Variants in SFMBT1 observed in about 807,000 individuals in gnomAD.
The protein encoded by SFMBT1 is scm-like with four MBT domains protein 1.
In SFMBT1, 32 loss-of-function variants were observed where a neutral mutation model predicts 108.7. The observed-to-expected ratio is 0.29, with a 90% CI of 0.22 to 0.40. The LOEUF is 0.40. SFMBT1 is among the 10% of genes least tolerant of loss of function. The pLI is 1.00. For synonymous variants in SFMBT1, 348 were observed against 369.5 expected (o/e 0.94, Z 0.67); for missense variants, 816 against 1,059.6 (o/e 0.77, Z 3.19).
At chr3:52,966,988 C>T (rs1395482535) in intron 2 of SFMBT1, among the ~76,000 whole-genome samples, 2 of 149,302 alleles carry the variant, frequency 1.3e-5, no homozygotes, top group Non-Finnish European at 3.0e-5. Flanking sequence ...CTAAAGTAAC[C>T]ACCAATAAGT....
Position 52,922,567 on chromosome 3 carries a change from G to A in SFMBT1, c.1132-736C>T, listed in dbSNP as rs376084272. Among the ~76,000 whole-genome samples the A allele has an allele frequency of 5.3e-5, 8 of 152,286 alleles. No individual in the cohort carries two copies. In the East Asian group the frequency reaches 1.2e-3, roughly 22 times the overall value. ...ACAGGGTCTGGAAACTAAGTTAAAG[G>A]TGACTCTAAGCTGGCAGTAAAGAAA... On this transcript the variant is annotated intron_variant, in intron 10 of 20. Transcript: ENST00000394752.
intron 16 of SFMBT1, among the ~76,000 whole-genome samples, chr3:52,911,799 AAG>A (rs1297185071): frequency 6.6e-6 from 1 of 151,846 alleles, no homozygotes; most frequent in Non-Finnish European, 1.5e-5. Context: ...CTCCCAGGTC[AAG>A]AGATTCTCCT....
At chr3:52,940,084 C>A (rs1241415594) in intron 4 of SFMBT1, among the ~76,000 whole-genome samples, 4 of 152,140 alleles carry the variant, frequency 2.6e-5, no homozygotes, top group Admixed American at 6.5e-5. Flanking sequence ...TGAGATTCAA[C>A]TGAAATCCTT....
intron 1 of SFMBT1, among the ~76,000 whole-genome samples, chr3:52,976,268 T>C (rs967460269): frequency 6.6e-6 from 1 of 152,024 alleles, no homozygotes; most frequent in Non-Finnish European, 1.5e-5. Context: ...ATCAAAATAG[T>C]GTAATATTAG....
At chr3:52,957,568 C>T (rs75794552) in intron 2 of SFMBT1, among the ~76,000 whole-genome samples, 13,752 of 152,208 alleles carry the variant, frequency 0.09, 637 homozygotes, top group African/African-American at 0.099. Context: ...TCAAACTATA[C>T]TACAAGCCTC....
chr3:52,981,769 G>A (rs756779372), intron 1 of SFMBT1, among the ~76,000 whole-genome samples: 6 of 151,964 alleles, frequency 3.9e-5, no homozygotes, highest in Admixed American at 6.6e-5. Context: ...GAAAGTACCC[G>A]GATTTAAGGG....
intron 1 of SFMBT1, among the ~76,000 whole-genome samples, chr3:53,042,440 A>C (rs967753919): frequency 6.6e-6 from 1 of 152,196 alleles, no homozygotes; most frequent in African/African-American, 2.4e-5. Flanking sequence ...CCTGGGCTCA[A>C]AGGATCCTCC....
chr3:53,011,456 G>T (rs1698940526), intron 1 of SFMBT1, among the ~76,000 whole-genome samples: 1 of 152,220 alleles, frequency 6.6e-6, no homozygotes, highest in South Asian at 2.1e-4. Context: ...AAACAGGAAA[G>T]ACTTGAGGAG....
chr3:52,985,042 C>T (rs570268654), intron 1 of SFMBT1, among the ~76,000 whole-genome samples: 80 of 152,184 alleles, frequency 5.3e-4, no homozygotes, highest in Non-Finnish European at 9.0e-4. Flanking sequence ...TAGGCTGGAA[C>T]GGTAGCTCTT....
chr3:53,010,366 CAA>C (rs1185858121), intron 1 of SFMBT1, among the ~76,000 whole-genome samples: 10 of 152,182 alleles, frequency 6.6e-5, no homozygotes, highest in Non-Finnish European at 1.5e-4. Flanking sequence ...ACAAAGGCAT[CAA>C]GAGAGAGCAG....
chr3:52,998,543 T>C (rs774152667), intron 1 of SFMBT1, among the ~76,000 whole-genome samples: 6 of 150,290 alleles, frequency 4.0e-5, no homozygotes, highest in Non-Finnish European at 9.0e-5. Flanking sequence ...GGCCCAGCCA[T>C]AGCTCTCGCC....
chr3:52,920,650 C>G lies in SFMBT1; in HGVS notation c.1259G>C (p.Gly420Ala). Reference sequence around the variant, plus strand: ...ACATTCAGGTATAGGCTTCTTAGAACCTGTTTAGATTTAAACAAACAAACA... The same window carrying G: ...ACATTCAGGTATAGGCTTCTTAGAAGCTGTTTAGATTTAAACAAACAAACA... ...RGSYLWLQLE[G>A]SKKPIPECIV... The change falls in exon 12 of 21, where the codon GGT (glycine) becomes GCT (alanine). Residue 420 changes from glycine (G) to alanine (A), a missense_variant and splice_region_variant. By Grantham distance (60) the Gly-to-Ala change is moderately conservative (BLOSUM62 0). Around this residue, in one of 5 missense-constraint regions of SFMBT1, gnomAD observed 495 missense variants for 607.4 expected, o/e 0.81. Transcript: ENST00000394752. 5 of 1,578,452 alleles carry G rather than the reference C, an allele frequency of 3.2e-6. No individual in the cohort carries two copies. Among genetic ancestry groups the G allele is most frequent in the Non-Finnish European group, 3.5e-6 (4 of 1,151,198 alleles).
intron 20 of SFMBT1, among the ~76,000 whole-genome samples, chr3:52,905,504 C>G (rs28489170): frequency 6.6e-6 from 1 of 152,126 alleles, no homozygotes. Flanking sequence ...AAAGTTTTAC[C>G]AAGGATAAGA....
At chr3:53,031,611 G>T (rs1224704652) in intron 1 of SFMBT1, among the ~76,000 whole-genome samples, 1 of 147,490 alleles carries the variant, frequency 6.8e-6, no homozygotes, top group Non-Finnish European at 1.5e-5. Context: ...AAAAAAAAGT[G>T]TCCAGGGATA....
At chr3:53,013,615 C>CTTTTTTTTTTTTTTTTT (rs397989629) in intron 1 of SFMBT1, among the ~76,000 whole-genome samples, 1 of 58,082 alleles carries the variant, frequency 1.7e-5, no homozygotes, top group Non-Finnish European at 2.8e-5. Context: ...TATAAAGAAT[C>CTTTTTTTTTTTTTTTTT]TTTTTTTTTT....
intron 1 of SFMBT1, among the ~76,000 whole-genome samples, chr3:53,020,693 C>A (rs1236776896): frequency 1.3e-5 from 2 of 152,130 alleles, no homozygotes; most frequent in Admixed American, 1.3e-4. Flanking sequence ...AAACCAAGAA[C>A]AGAGAACACA....
rs1698592741 is a variant in SFMBT1, at chr3:53,002,420, A to AAG, written c.-130-33163_-130-33162insCT. Reference sequence around the variant, plus strand: ...TCTCAATAAAAAAAAAAAAAAAAAAAGAAATCACCCAGCCCAGTATCTTGA... The same window carrying AAG: ...TCTCAATAAAAAAAAAAAAAAAAAAAAGGAAATCACCCAGCCCAGTATCTTGA... On this transcript the variant is annotated intron_variant, in intron 1 of 20. Transcript: ENST00000394752. 1.3e-5 allele frequency among the ~76,000 whole-genome samples: 2 copies of AAG among 148,184 alleles called. 1 individual carries two copies. The highest frequency in any genetic ancestry group is 4.9e-5 in the African/African-American group (2 of 40,948).
intron 1 of SFMBT1, among the ~76,000 whole-genome samples, chr3:52,980,521 GCT>G (rs1394305602): frequency 6.6e-6 from 1 of 152,134 alleles, no homozygotes; most frequent in Admixed American, 6.5e-5. Flanking sequence ...TGCTGGACGT[GCT>G]TTCAAGAAGC....
At chr3:53,039,710 C>G (rs1699974264) in intron 1 of SFMBT1, among the ~76,000 whole-genome samples, 1 of 152,202 alleles carries the variant, frequency 6.6e-6, no homozygotes, top group Non-Finnish European at 1.5e-5. Flanking sequence ...TCTCAGCTCA[C>G]TGCAACCCCC....
Sources: allele counts gnomAD v4.1 joint callset (sites outside exome capture counted in the v4.1 genomes callset), GRCh38; gene constraint gnomAD v4.1.1; regional missense constraint gnomAD v4.1.1; transcripts MANE v1.5; gene names NCBI Gene and HGNC (gene_info 2026-07-23, HGNC 2026-07-21).